The following CTXND1 variants were observed in gnomAD, a reference collection of about 807,000 sequenced individuals.
The protein encoded by CTXND1 is cortexin domain-containing 1 protein.
At chr15:80,235,047 CTG>C (rs1893478443) in intron 1 of CTXND1, among the ~76,000 whole-genome samples, 2 of 152,162 alleles carry the variant, frequency 1.3e-5, no homozygotes, top group East Asian at 3.9e-4. Flanking sequence ...CATGACTTCT[CTG>C]TGTCTTGCAA....
At chr15:80,219,957 G>T (rs1293650645) in intron 1 of CTXND1, among the ~76,000 whole-genome samples, 1 of 152,050 alleles carries the variant, frequency 6.6e-6, no homozygotes, top group Admixed American at 6.6e-5. Flanking sequence ...TCTGTGGCTT[G>T]TTTTTCAAAT....
intron 1 of CTXND1, among the ~76,000 whole-genome samples, chr15:80,242,345 C>T (rs1238220606): frequency 1.3e-5 from 2 of 152,194 alleles, no homozygotes; most frequent in African/African-American, 4.8e-5. Flanking sequence ...CCTGTGAGCC[C>T]GGGCAAGAAG....
intron 1 of CTXND1, among the ~76,000 whole-genome samples, chr15:80,220,792 T>C (rs1750877005): frequency 6.6e-6 from 1 of 151,938 alleles, no homozygotes; most frequent in African/African-American, 2.4e-5. Context: ...TTGATTTTTT[T>C]TTACACCTTA....
At chr15:80,251,274 T>C (rs1199136118) in intron 1 of CTXND1, among the ~76,000 whole-genome samples, 5 of 152,298 alleles carry the variant, frequency 3.3e-5, no homozygotes, top group Middle Eastern at 6.8e-3. Context: ...GGCTCCATAA[T>C]ACATTCCCCA....
intron 1 of CTXND1, among the ~76,000 whole-genome samples, chr15:80,238,489 T>TC (rs1235014006): frequency 2.6e-5 from 4 of 150,998 alleles, no homozygotes; most frequent in Non-Finnish European, 5.9e-5. Flanking sequence ...CATGTTTGTT[T>TC]TTTTTTTTTT....
intron 1 of CTXND1, among the ~76,000 whole-genome samples, chr15:80,221,399 A>C (rs1329844385): frequency 6.6e-6 from 1 of 152,160 alleles, no homozygotes; most frequent in African/African-American, 2.4e-5. Flanking sequence ...TTGTAAAGAA[A>C]TATTACTAAT....
At chr15:80,211,711 G>C (rs1027077505) in intron 1 of CTXND1, among the ~76,000 whole-genome samples, 5 of 152,196 alleles carry the variant, frequency 3.3e-5, no homozygotes, top group Non-Finnish European at 7.3e-5. Flanking sequence ...GGCAGTATGA[G>C]CTAACACCAT....
chr15:80,236,731 C>T (rs899123733), intron 1 of CTXND1, among the ~76,000 whole-genome samples: 6 of 149,982 alleles, frequency 4.0e-5, no homozygotes, highest in Non-Finnish European at 7.4e-5. Flanking sequence ...TGCAGTAAGC[C>T]GATATTGTGC....
Position 80,197,352 on chromosome 15 carries a change from G to A in CTXND1, c.*4418C>T, listed in dbSNP as rs1044465898. On this transcript the variant is annotated 3_prime_UTR_variant, in exon 3 of 3. Transcript: ENST00000560778. ...CCCAAAGTGCTGAGATTACAGACAT[G>A]AGCTACCTTGCCTTGTCATCCCTGG... 6.6e-6 allele frequency: 1 copy of A among 152,204 alleles called. No individual in the cohort carries two copies. The highest frequency in any genetic ancestry group is 6.5e-5 in the Admixed American group (1 of 15,280). The allele number at this position is 152,204 out of a possible 1,614,324, so 9.4% of individuals were successfully genotyped here. A position where few individuals can be genotyped will look rare whatever the true frequency, so the allele number is the denominator to read the frequency against.
At chr15:80,227,500 G>A (rs1893384955) in intron 1 of CTXND1, among the ~76,000 whole-genome samples, 3 of 151,670 alleles carry the variant, frequency 2.0e-5, no homozygotes, top group Non-Finnish European at 4.4e-5. Flanking sequence ...GGGGTCATAC[G>A]TTGGAGATAT....
At chr15:80,208,775 G>A (rs997667577) in intron 1 of CTXND1, among the ~76,000 whole-genome samples, 2 of 152,300 alleles carry the variant, frequency 1.3e-5, no homozygotes, top group East Asian at 3.9e-4. Context: ...CATAGATGAA[G>A]AGACTGAAGT....
intron 1 of CTXND1, among the ~76,000 whole-genome samples, chr15:80,229,219 G>A (rs1220576705): frequency 2.0e-5 from 3 of 149,210 alleles, no homozygotes; most frequent in Non-Finnish European, 4.5e-5. Context: ...GCCCGGCCCC[G>A]CACCCTGACT....
chr15:80,244,460 C>A (rs985619369), intron 1 of CTXND1, among the ~76,000 whole-genome samples: 3 of 152,224 alleles, frequency 2.0e-5, no homozygotes, highest in African/African-American at 7.2e-5. Context: ...GGCTGGACTC[C>A]ATTCTTCCAG....
chr15:80,213,805 C>T (rs1290766219), intron 1 of CTXND1, among the ~76,000 whole-genome samples: 4 of 152,074 alleles, frequency 2.6e-5, no homozygotes, highest in East Asian at 1.9e-4. Context: ...ATTCTATATT[C>T]AGTGGTACTA....
At chr15:80,251,254 T>TA (rs1184937191) in intron 1 of CTXND1, among the ~76,000 whole-genome samples, 3 of 152,202 alleles carry the variant, frequency 2.0e-5, no homozygotes, top group African/African-American at 7.2e-5. Flanking sequence ...CGGAGACTCT[T>TA]ACCAAATTCG....
chr15:80,213,054 T>C (rs912637080), intron 1 of CTXND1, among the ~76,000 whole-genome samples: 1 of 151,416 alleles, frequency 6.6e-6, no homozygotes, highest in Admixed American at 6.6e-5. Flanking sequence ...TGTTTTTTTC[T>C]CTTTTGAAAT....
rs1337780809 is a variant in CTXND1 at position 80,198,709 on chromosome 15, T to C, written c.*3061A>G. On this transcript the variant is annotated 3_prime_UTR_variant, in exon 3 of 3. Coordinates refer to ENST00000560778, the MANE Select transcript of CTXND1 (RefSeq NM_001352888.2). ...GAGAGAGTGTACTGTAAGTATTTATTCTCCCCTGTCTTAAGCAAGCTCCCC... is the reference window on the plus strand; with the variant it reads ...GAGAGAGTGTACTGTAAGTATTTATCCTCCCCTGTCTTAAGCAAGCTCCCC... The C allele has an allele frequency of 2.6e-5, 4 of 152,206 alleles. No individual in the cohort carries two copies. Among genetic ancestry groups the C allele is most frequent in the Non-Finnish European group, 4.4e-5 (3 of 68,038 alleles). 9.4% of individuals were successfully genotyped at this position (152,206 alleles called of 1,614,324 possible).
At chr15:80,216,146 A>G (rs564020183) in intron 1 of CTXND1, among the ~76,000 whole-genome samples, 1 of 152,362 alleles carries the variant, frequency 6.6e-6, no homozygotes, top group South Asian at 2.1e-4. Context: ...TTTCAATTGG[A>G]AAACTCTGAA....
chr15:80,204,179 T>A (rs372724573), intron 1 of CTXND1, among the ~76,000 whole-genome samples: 6,691 of 32,086 alleles, frequency 0.21, 493 homozygotes, highest in African/African-American at 0.26. Context: ...AATATATATA[T>A]ATATATATAT....
Sources: allele counts gnomAD v4.1 joint callset (sites outside exome capture counted in the v4.1 genomes callset), GRCh38; gene constraint gnomAD v4.1.1; transcripts MANE v1.5; gene names NCBI Gene and HGNC (gene_info 2026-07-23, HGNC 2026-07-21).